NR2E1: variants seen among roughly 807,000 people sequenced by gnomAD.
NR2E1 encodes the protein nuclear receptor subfamily 2 group E member 1.
In NR2E1, 5 loss-of-function variants were observed where a neutral mutation model predicts 43.6. The observed-to-expected ratio is 0.11, with a 90% confidence interval of 0.06 to 0.24. The LOEUF is 0.24. Among genes scored for constraint, NR2E1 ranks in the 10% least tolerant of loss-of-function variants. The pLI, the probability that NR2E1 is intolerant of heterozygous loss-of-function variation, is 1.00. For synonymous variants in NR2E1, 191 were observed against 195.5 expected, an observed-to-expected ratio of 0.98 and a Z score of 0.19; for missense variants, 287 against 496.7, an observed-to-expected ratio of 0.58 and a Z score of 4.01.
chr6:108,166,704 C>G lies in NR2E1; in HGVS notation c.-62C>G. ...AGAGCGGCGGCGCCCGGCGGCGAGG[C>G]GGGCGCTGCCGGCCGGGACTCGGGC... is the stretch of plus-strand genomic sequence containing the variant. On this transcript the variant is annotated 5_prime_UTR_variant, in exon 1 of 9. Transcript: ENST00000368986. The surrounding 1 kb of genome is among the most constrained non-coding windows in gnomAD (Gnocchi z 7.2). 7.0e-7 allele frequency: 1 copy of G among 1,419,800 alleles called. No individual in the cohort carries two copies. The highest frequency in any genetic ancestry group is 2.7e-5 in the Admixed American group (1 of 37,028). The allele number at this position is 1,419,800 out of a possible 1,614,324, so 88.0% of individuals were successfully genotyped here.
rs1353907807 is a variant in NR2E1 at position 108,187,582 on chromosome 6, A to G, written c.*119A>G. The G allele has an allele frequency of 8.3e-7, 1 of 1,199,774 alleles. No individual in the cohort carries two copies. Among genetic ancestry groups the G allele is most frequent in the African/African-American group, 1.5e-5 (1 of 66,666 alleles). 74.3% of individuals were successfully genotyped at this position (1,199,774 alleles called of 1,614,324 possible). A position where few individuals can be genotyped will look rare whatever the true frequency, so the allele number is the denominator to read the frequency against. On this transcript the variant is annotated 3_prime_UTR_variant, in exon 9 of 9. Coordinates refer to ENST00000368986, the MANE Select transcript of NR2E1 (RefSeq NM_003269.5). Reference sequence around the variant, plus strand: ...ATATACCGGGGAATGTGTAGCCTTCAGGAAAAAAATGCCAATTGACACAAA... The same window carrying G: ...ATATACCGGGGAATGTGTAGCCTTCGGGAAAAAAATGCCAATTGACACAAA...
rs918951862 is a variant in NR2E1 at position 108,187,844 on chromosome 6, A to G, written c.*381A>G. ...CCTTTTTAGCATACAAAGTTTGGTA[A>G]CCAAATATAGCTCTGTGTATAACAT... is the stretch of plus-strand genomic sequence containing the variant. On this transcript the variant is annotated 3_prime_UTR_variant, in exon 9 of 9. Coordinates refer to ENST00000368986, the MANE Select transcript of NR2E1 (RefSeq NM_003269.5). The G allele has an allele frequency of 1.6e-5, 5 of 308,934 alleles. No individual in the cohort carries two copies. Among genetic ancestry groups the G allele is most frequent in the Admixed American group, 1.3e-4 (3 of 23,084 alleles). The allele number at this position is 308,934 out of a possible 1,614,324, so 19.1% of individuals were successfully genotyped here.
Position 108,181,604 on chromosome 6 carries a change from C to T in NR2E1, c.948C>T (p.Ala316=). The T allele has an allele frequency of 6.2e-7, 1 of 1,614,204 alleles. No homozygotes were observed. Among genetic ancestry groups the T allele is most frequent in the Non-Finnish European group, 8.5e-7 (1 of 1,180,032 alleles). Residue 316 remains alanine, a synonymous_variant, in exon 8 of 9, where the codon GCC becomes GCT. Coordinates refer to ENST00000368986, the MANE Select transcript of NR2E1 (RefSeq NM_003269.5). The part of the protein sequence containing the change: ...RSFRNAAAIA[A]LQDEAQLTLN... ...TCCGGAATGCTGCCGCCATTGCAGC[C>T]CTTCAAGATGAGGCTCAGCTAACGC...
Position 108,174,938 on chromosome 6 carries a change from C to T in NR2E1, c.259+15C>T, listed in dbSNP as rs1348673324. ...GAACAAAGACGGTAATCAGTGCATCCCTTTATTCCAATGTTGATTGAGTAG... is the reference window on the plus strand; with the variant it reads ...GAACAAAGACGGTAATCAGTGCATCTCTTTATTCCAATGTTGATTGAGTAG... On this transcript the variant is annotated intron_variant, in intron 3 of 8. Transcript: ENST00000368986. The T allele has an allele frequency of 6.2e-7, 1 of 1,609,190 alleles. No homozygotes were observed. Among genetic ancestry groups the T allele is most frequent in the African/African-American group, 1.3e-5 (1 of 74,826 alleles).
intron 1 of NR2E1, among the ~76,000 whole-genome samples, chr6:108,170,097 G>A (rs539118168): frequency 4.6e-5 from 7 of 150,964 alleles, no homozygotes; most frequent in South Asian, 4.2e-4. Context: ...CCCTCCCCGC[G>A]CCACGCCCTC....
At chr6:108,184,206 C>A (rs1211327877) in intron 8 of NR2E1, among the ~76,000 whole-genome samples, 2 of 151,924 alleles carry the variant, frequency 1.3e-5, no homozygotes, top group African/African-American at 4.8e-5. Flanking sequence ...AAAAAACAAA[C>A]AAAAAAATTA....
At chr6:108,181,795 C>T (rs908868517) in intron 8 of NR2E1, 144 bp downstream of exon 8, 28 of 722,372 alleles carry the variant, frequency 3.9e-5, no homozygotes, top group Non-Finnish European at 5.7e-5. Flanking sequence ...CATGTCCTTA[C>T]CTATCTCTCA....
chr6:108,177,849 G>A (rs1773924585), intron 4 of NR2E1, among the ~76,000 whole-genome samples: 1 of 152,154 alleles, frequency 6.6e-6, no homozygotes, highest in Admixed American at 6.5e-5. Context: ...AAAGCCAGAG[G>A]GCCTTCTGGA....
chr6:108,174,206 C>G (rs541535075), intron 2 of NR2E1, among the ~76,000 whole-genome samples: 1 of 152,302 alleles, frequency 6.6e-6, no homozygotes, highest in East Asian at 1.9e-4. Context: ...AGGCAACTCT[C>G]AACTTGCTGA....
chr6:108,171,367 T>A, intron 1 of NR2E1, 91 bp from the exon 2 acceptor site: 1 of 1,150,186 alleles, frequency 8.7e-7, no homozygotes, highest in Middle Eastern at 2.9e-4. Flanking sequence ...TTGCTTAGCA[T>A]CTCTCTCTCC....
chr6:108,178,359 T>C (rs1773934103), intron 5 of NR2E1, 118 bp downstream of exon 5: 4 of 1,040,220 alleles, frequency 3.8e-6, no homozygotes, highest in Non-Finnish European at 5.9e-6. Flanking sequence ...CCATTCTTAA[T>C]AGCAGTGAGG....
Position 108,169,401 on chromosome 6 carries a change from A to C in NR2E1, c.26-2057A>C, listed in dbSNP as rs917140259. Among the ~76,000 whole-genome samples the C allele has an allele frequency of 2.6e-5, 4 of 152,142 alleles. No individual in the cohort carries two copies. The highest frequency in any genetic ancestry group is 9.7e-5 in the African/African-American group (4 of 41,432). ...CATCGGGTTCTCCAGAGATGTTGTC[A>C]TGGGCCTCCTGTCCGGATGGGAAGT... is the stretch of plus-strand genomic sequence containing the variant. On this transcript the variant is annotated intron_variant, in intron 1 of 8. Transcript: ENST00000368986. The surrounding 1 kb of genome is among the most constrained non-coding windows in gnomAD (Gnocchi z 6.1).
chr6:108,181,263 A>G (rs548075761), intron 7 of NR2E1, among the ~76,000 whole-genome samples: 30 of 152,014 alleles, frequency 2.0e-4, no homozygotes, highest in African/African-American at 7.0e-4. Context: ...GCACCATCTC[A>G]GCTCACTGCA....
intron 7 of NR2E1, 91 bp from the exon 8 acceptor site, chr6:108,181,455 A>C (rs368181753): frequency 4.6e-6 from 5 of 1,085,770 alleles, no homozygotes; most frequent in Middle Eastern, 4.8e-4. Flanking sequence ...CGGCCTCCCA[A>C]AGTGCTGGGA....
Position 108,169,380 on chromosome 6 carries a change from G to C in NR2E1, c.26-2078G>C, listed in dbSNP as rs1224186311. Among the ~76,000 whole-genome samples the C allele has an allele frequency of 3.3e-5, 5 of 152,174 alleles. No homozygotes were observed. The highest frequency in any genetic ancestry group is 2.6e-4 in the Admixed American group (4 of 15,274). ...CACTGGTCTTCCCTCCACCCTCATC[G>C]GGTTCTCCAGAGATGTTGTCATGGG... On this transcript the variant is annotated intron_variant, in intron 1 of 8. Coordinates refer to ENST00000368986, the MANE Select transcript of NR2E1 (RefSeq NM_003269.5). The surrounding 1 kb of genome is among the most constrained non-coding windows in gnomAD (Gnocchi z 6.1).
chr6:108,172,280 A>G (rs939443828), intron 2 of NR2E1, among the ~76,000 whole-genome samples: 1 of 152,194 alleles, frequency 6.6e-6, no homozygotes, highest in Non-Finnish European at 1.5e-5. Flanking sequence ...AGAAGAGAAG[A>G]TTCAAAAGGA....
rs897749368 is a variant in NR2E1 at position 108,187,150 on chromosome 6, C to G, written c.996-151C>G. 3 of 908,964 alleles carry G rather than the reference C, an allele frequency of 3.3e-6. No individual in the cohort carries two copies. In the African/African-American group the frequency reaches 4.9e-5, roughly 15 times the overall value. 56.3% of individuals were successfully genotyped at this position (908,964 alleles called of 1,614,324 possible). On this transcript the variant is annotated intron_variant, in intron 8 of 8. Coordinates refer to ENST00000368986, the MANE Select transcript of NR2E1 (RefSeq NM_003269.5). ...TAGTCTACCTGCAAAACGGGGACAA[C>G]AGTGCCTGTCCAGAACTTTGCTGCA... is the stretch of plus-strand genomic sequence containing the variant.
At chr6:108,175,586 G>C (rs991692894) in intron 3 of NR2E1, among the ~76,000 whole-genome samples, 1 of 152,244 alleles carries the variant, frequency 6.6e-6, no homozygotes, top group East Asian at 1.9e-4. Flanking sequence ...GGACGTCAGA[G>C]TGCTTCCTGG....
Position 108,166,754 on chromosome 6 carries a change from G to T in NR2E1, c.-12G>T. The T allele has an allele frequency of 6.4e-7, 1 of 1,570,458 alleles. No individual in the cohort carries two copies. ...CAGCGCCCACCAACCGCTCCGCCCC[G>T]GGACAGCCAGCATGAGCAAGCCAGC... is the stretch of plus-strand genomic sequence containing the variant. On this transcript the variant is annotated 5_prime_UTR_variant, in exon 1 of 9. Transcript: ENST00000368986. This position sits in a 1 kb window ranked among gnomAD's most constrained non-coding sequence, Gnocchi z 7.2.
Sources: gnomAD v4.1 joint callset for allele counts (sites outside exome capture counted in the v4.1 genomes callset) on GRCh38, gnomAD v4.1.1 for gene constraint, Gnocchi (gnomAD v3.1) non-coding constraint, MANE v1.5 for transcripts, NCBI Gene and HGNC (gene_info 2026-07-23, HGNC 2026-07-21) for gene names.